The following NEBL variants were observed in gnomAD, a reference collection of about 807,000 sequenced individuals.
The protein encoded by NEBL is nebulette.
In NEBL, 122 loss-of-function variants were observed where a neutral mutation model predicts 140.2. The observed-to-expected ratio is 0.87, with a 90% CI of 0.75 to 1.01. NEBL has a LOEUF of 1.01. NEBL is among the 50% of genes least tolerant of loss of function. NEBL has a pLI of 0.00. For missense variants in NEBL, 1,365 were observed against 1,231.3 expected (o/e 1.11, Z -1.62); for synonymous variants, 436 against 398.9 (o/e 1.09, Z -1.11).
At chr10:21,140,503 A>G (rs11813930) in intron 2 of NEBL, among the ~76,000 whole-genome samples, 2,033 of 152,324 alleles carry the variant, frequency 0.013, 45 homozygotes, top group African/African-American at 0.044. Context: ...TTAAGTTACA[A>G]ATTGAATGGA....
chr10:21,007,194 T>C (rs1208247719), intron 3 of NEBL, among the ~76,000 whole-genome samples: 1 of 152,108 alleles, frequency 6.6e-6, no homozygotes, highest in African/African-American at 2.4e-5. Flanking sequence ...GTCAGGTCTT[T>C]CCTCCATTCA....
chr10:21,027,954 G>T (rs1321812147), intron 2 of NEBL, among the ~76,000 whole-genome samples: 1 of 152,022 alleles, frequency 6.6e-6, no homozygotes, highest in Non-Finnish European at 1.5e-5. Flanking sequence ...AAGTGCAGTG[G>T]CTCACACCTG....
intron 9 of NEBL, among the ~76,000 whole-genome samples, 158 bp downstream of exon 9, chr10:20,858,082 T>G (rs1424621946): frequency 1.3e-5 from 2 of 151,940 alleles, no homozygotes; most frequent in African/African-American, 2.4e-5. Context: ...TCTGGTGGGA[T>G]TTCTGCAAGC....
intron 1 of NEBL, among the ~76,000 whole-genome samples, chr10:21,279,008 G>A (rs1842958209): frequency 6.6e-6 from 1 of 152,146 alleles, no homozygotes; most frequent in African/African-American, 2.4e-5. Flanking sequence ...CATGAAGAAA[G>A]ATCACAGCTA....
At chr10:21,069,356 G>T (rs1835711785) in intron 2 of NEBL, among the ~76,000 whole-genome samples, 1 of 152,202 alleles carries the variant, frequency 6.6e-6, no homozygotes, top group Non-Finnish European at 1.5e-5. Flanking sequence ...TCATGGCATT[G>T]TTCTCCCATG....
intron 20 of NEBL, 50 bp from the exon 21 acceptor site, chr10:20,817,742 G>T: frequency 7.2e-7 from 1 of 1,387,778 alleles, no homozygotes; most frequent in Non-Finnish European, 1.0e-6. Context: ...GGGCTCCACT[G>T]AAATACCACA....
At chr10:21,089,245 G>C (rs2131959133) in intron 2 of NEBL, among the ~76,000 whole-genome samples, 1 of 152,276 alleles carries the variant, frequency 6.6e-6, no homozygotes, top group Admixed American at 6.5e-5. Flanking sequence ...TGAGGTCAGG[G>C]CTGGATATGA....
At chr10:20,803,812 A>AAAAAATATATAT (rs1554773359) in intron 26 of NEBL, among the ~76,000 whole-genome samples, 1 of 143,566 alleles carries the variant, frequency 7.0e-6, no homozygotes, top group East Asian at 2.0e-4. Flanking sequence ...CTGTACGAAA[A>AAAAAATATATAT]ATATATATAT....
At chr10:21,265,940 C>T (rs1842791888) in intron 1 of NEBL, among the ~76,000 whole-genome samples, 1 of 152,078 alleles carries the variant, frequency 6.6e-6, no homozygotes, top group South Asian at 2.1e-4. Flanking sequence ...TGGAGTTATC[C>T]CAACCAAGGG....
chr10:21,029,842 A>T (rs1833703688), intron 2 of NEBL: 1 of 691,628 alleles, frequency 1.4e-6, no homozygotes, highest in Admixed American at 2.1e-5. Context: ...GCAGAAGGGC[A>T]TTTGGCAGTG....
intron 26 of NEBL, among the ~76,000 whole-genome samples, chr10:20,803,876 T>A (rs1186767711): frequency 6.7e-6 from 1 of 150,176 alleles, no homozygotes; most frequent in Non-Finnish European, 1.5e-5. Flanking sequence ...TAGAGTATTT[T>A]TTCAGCTATG....
chr10:21,191,644 G>A (rs777410821), intron 3 of NEBL, among the ~76,000 whole-genome samples: 7 of 152,192 alleles, frequency 4.6e-5, no homozygotes, highest in Non-Finnish European at 8.8e-5. Context: ...ACTGGCTTCT[G>A]TGATTCCATT....
intron 4 of NEBL, among the ~76,000 whole-genome samples, chr10:20,881,150 T>A (rs1467165621): frequency 6.6e-6 from 1 of 152,222 alleles, no homozygotes; most frequent in Non-Finnish European, 1.5e-5. Flanking sequence ...CCATTTTTAT[T>A]CATCTAGCTT....
rs61234594 is a variant in NEBL at position 21,082,535 on chromosome 10, T to TAAAAAAAAAAAAAAAAAAAA, written c.165-62354_165-62335dup. Among the ~76,000 whole-genome samples, 63 of 117,276 alleles carry TAAAAAAAAAAAAAAAAAAAA rather than the reference T, an allele frequency of 5.4e-4. 1 individual carries two copies. The highest frequency in any genetic ancestry group is 2.3e-3 in the African/African-American group (59 of 25,248). 76.9% of individuals were successfully genotyped at this position (117,276 alleles called of 152,430 possible). On this transcript the variant is annotated intron_variant, in intron 2 of 6. Transcript: ENST00000417816. ...AGTTTGAAGTGTTCCCCACCACCAC[T>TAAAAAAAAAAAAAAAAAAAA]AAAAAAAAAAAAAAAAAAAAAAAAA...
At chr10:21,182,352 T>A (rs948913447) in intron 3 of NEBL, among the ~76,000 whole-genome samples, 1 of 152,104 alleles carries the variant, frequency 6.6e-6, no homozygotes, top group African/African-American at 2.4e-5. Flanking sequence ...GGTGTGTGCC[T>A]GTAGTCCCAG....
At chr10:20,962,335 C>A (rs2153446) in intron 3 of NEBL, among the ~76,000 whole-genome samples, 147,615 of 152,348 alleles carry the variant, frequency 0.97, 71,560 homozygotes, top group East Asian at 1. Flanking sequence ...TTCAGAAGGC[C>A]AACATATGGA....
intron 3 of NEBL, among the ~76,000 whole-genome samples, chr10:20,973,718 A>G (rs919572171): frequency 6.6e-6 from 1 of 152,232 alleles, no homozygotes; most frequent in African/African-American, 2.4e-5. Flanking sequence ...GATTGGCCTC[A>G]TTTGGCCTAA....
chr10:21,215,022 G>A (rs1020599478), intron 3 of NEBL, among the ~76,000 whole-genome samples: 4 of 151,996 alleles, frequency 2.6e-5, no homozygotes, highest in East Asian at 1.9e-4. Context: ...TGATCCCTCC[G>A]ACCCCATGAA....
rs148851442 is a variant in NEBL at position 21,022,154 on chromosome 10, G to A, written c.165-1953C>T. Among the ~76,000 whole-genome samples the A allele has an allele frequency of 1.2e-3, 185 of 152,252 alleles. 2 individuals carry two copies. Among genetic ancestry groups the A allele is most frequent in the Non-Finnish European group, 2.2e-3 (149 of 68,010 alleles). ...CGCTGAGGAGACACCTTTAGCTGCT[G>A]TGACCCCATGGTCACAAAAGCCACA... On this transcript the variant is annotated intron_variant, in intron 2 of 6. Transcript: ENST00000417816.
Sources: allele counts gnomAD v4.1 joint callset (sites outside exome capture counted in the v4.1 genomes callset), GRCh38; gene constraint gnomAD v4.1.1; transcripts MANE v1.5; gene names NCBI Gene and HGNC (gene_info 2026-07-23, HGNC 2026-07-21).